FHIP1A: variants seen among roughly 807,000 people sequenced by gnomAD.
FHIP1A encodes the protein FHF complex subunit HOOK interacting protein 1A, also known as FHF complex subunit HOOK-interacting protein 1A.
In FHIP1A, 61 loss-of-function variants were observed where a neutral mutation model predicts 88.6. That is an observed-to-expected ratio of 0.69 (90% CI 0.56 to 0.85). FHIP1A has a LOEUF of 0.85. Among genes scored for constraint, FHIP1A ranks in the 40% least tolerant of loss-of-function variants. FHIP1A has a pLI of 0.00. For missense variants in FHIP1A, 1,154 were observed against 1,273.5 expected, an observed-to-expected ratio of 0.91 and a Z score of 1.43; for synonymous variants, 478 against 496.0, an observed-to-expected ratio of 0.96 and a Z score of 0.48.
intron 3 of FHIP1A, among the ~76,000 whole-genome samples, chr4:151,506,583 C>T (rs1348879492): frequency 2.0e-5 from 3 of 152,016 alleles, no homozygotes; most frequent in African/African-American, 4.8e-5. Context: ...GGTAAGAGAG[C>T]AGAAGCAAGA....
rs1341011216 is a variant in FHIP1A at position 151,665,230 on chromosome 4, G to T, written c.*2476G>T. On this transcript the variant is annotated 3_prime_UTR_variant, in exon 14 of 14. Coordinates refer to ENST00000435205, the MANE Select transcript of FHIP1A (RefSeq NM_001109977.3). ...GGGCTCAAGTGATCGTCCCGCCTTG[G>T]CCTCCCGAAGTGCTGGGATTACAGG... 6.6e-6 allele frequency among the ~76,000 whole-genome samples: 1 copy of T among 152,178 alleles called. No individual in the cohort carries two copies. Among genetic ancestry groups the T allele is most frequent in the African/African-American group, 2.4e-5 (1 of 41,440 alleles).
chr4:151,526,408 C>T (rs1446066095), intron 3 of FHIP1A, among the ~76,000 whole-genome samples: 19 of 150,726 alleles, frequency 1.3e-4, no homozygotes, highest in East Asian at 4.0e-4. Flanking sequence ...ACCTCCCTCC[C>T]GGACCGGGGT....
At chr4:151,628,398 T>G (rs995189384) in intron 7 of FHIP1A, among the ~76,000 whole-genome samples, 15 of 152,154 alleles carry the variant, frequency 9.9e-5, no homozygotes, top group South Asian at 4.1e-4. Context: ...AATAGATAGC[T>G]CCAAGCCTTT....
intron 3 of FHIP1A, among the ~76,000 whole-genome samples, chr4:151,513,695 A>C (rs1360885124): frequency 1.3e-5 from 2 of 152,214 alleles, no homozygotes; most frequent in African/African-American, 4.8e-5. Flanking sequence ...AAAGGGCAAA[A>C]GAGAGAAAGA....
Position 151,618,054 on chromosome 4 carries a change from C to A in FHIP1A, c.979-11648C>A, listed in dbSNP as rs187592414. 8.5e-5 allele frequency among the ~76,000 whole-genome samples: 13 copies of A among 152,264 alleles called. No homozygotes were observed. In the East Asian group the frequency reaches 2.3e-3, roughly 27 times the overall value. On this transcript the variant is annotated intron_variant, in intron 7 of 13. Transcript: ENST00000435205. ...TGTTCATCAAATGAGCTTTATCTGCCAATTGCTGGAAGTTTTTTGAGGGAT... is the reference window on the plus strand; with the variant it reads ...TGTTCATCAAATGAGCTTTATCTGCAAATTGCTGGAAGTTTTTTGAGGGAT...
At chr4:151,451,721 A>AT (rs1554078698) in intron 1 of FHIP1A, among the ~76,000 whole-genome samples, 1 of 151,710 alleles carries the variant, frequency 6.6e-6, no homozygotes, top group African/African-American at 2.4e-5. Flanking sequence ...TTTCCAGTAA[A>AT]TTTTTTTCAA....
At chr4:151,634,736 G>A (rs919886286) in intron 8 of FHIP1A, among the ~76,000 whole-genome samples, 7 of 151,660 alleles carry the variant, frequency 4.6e-5, no homozygotes, top group East Asian at 3.9e-4. Flanking sequence ...ACTTTACACC[G>A]TATAAAAAAA....
At chr4:151,601,370 C>G (rs1734861743) in intron 7 of FHIP1A, among the ~76,000 whole-genome samples, 1 of 151,886 alleles carries the variant, frequency 6.6e-6, no homozygotes, top group East Asian at 1.9e-4. Flanking sequence ...GCTTATTTAC[C>G]AGTATCAGCA....
chr4:151,573,658 A>G (rs538974127), intron 4 of FHIP1A, among the ~76,000 whole-genome samples: 1 of 152,034 alleles, frequency 6.6e-6, no homozygotes, highest in Admixed American at 6.6e-5. Flanking sequence ...GGTTGAGAGT[A>G]TAAGACAGCT....
intron 2 of FHIP1A, among the ~76,000 whole-genome samples, chr4:151,459,561 T>A (rs1336204501): frequency 6.6e-6 from 1 of 152,196 alleles, no homozygotes; most frequent in Non-Finnish European, 1.5e-5. Flanking sequence ...TTGCAGCGTT[T>A]CCATCTGTAA....
rs1180127201 is a variant in FHIP1A, at chr4:151,663,938, C to T, written c.*1184C>T. Among the ~76,000 whole-genome samples the T allele has an allele frequency of 1.3e-5, 2 of 152,236 alleles. No individual in the cohort carries two copies. Among genetic ancestry groups the T allele is most frequent in the Non-Finnish European group, 2.9e-5 (2 of 68,048 alleles). On this transcript the variant is annotated 3_prime_UTR_variant, in exon 14 of 14. Transcript: ENST00000435205. ...CCCAACGTGCTGTATGAGCGTCCCT[C>T]TGCTGCTTTGCAGCCTGCTCCAAGA...
chr4:151,501,221 A>G (rs940260301), intron 3 of FHIP1A, among the ~76,000 whole-genome samples: 2 of 152,222 alleles, frequency 1.3e-5, no homozygotes, highest in East Asian at 1.9e-4. Context: ...TCATGCTGCT[A>G]TGAACATTCA....
At chr4:151,657,549 C>T (rs1056870651) in intron 13 of FHIP1A, among the ~76,000 whole-genome samples, 2 of 152,176 alleles carry the variant, frequency 1.3e-5, no homozygotes, top group Non-Finnish European at 2.9e-5. Context: ...CTGGGAGCAC[C>T]ACTGCTGCTT....
chr4:151,514,583 A>G (rs1326168063), intron 3 of FHIP1A, among the ~76,000 whole-genome samples: 1 of 152,160 alleles, frequency 6.6e-6, no homozygotes, highest in African/African-American at 2.4e-5. Flanking sequence ...GAAAAGAGAG[A>G]AGAATCAAAT....
chr4:151,508,751 C>T (rs1472851517), intron 3 of FHIP1A, among the ~76,000 whole-genome samples: 2 of 152,184 alleles, frequency 1.3e-5, no homozygotes, highest in Non-Finnish European at 2.9e-5. Flanking sequence ...ATGCTGGTTT[C>T]TTGGGATTGA....
intron 7 of FHIP1A, among the ~76,000 whole-genome samples, chr4:151,626,535 C>G (rs905777863): frequency 6.6e-6 from 1 of 152,106 alleles, no homozygotes; most frequent in Non-Finnish European, 1.5e-5. Flanking sequence ...TTTGTGGACA[C>G]TGAGTTTTCT....
At chr4:151,540,992 C>G (rs1016933309) in intron 3 of FHIP1A, among the ~76,000 whole-genome samples, 1 of 152,302 alleles carries the variant, frequency 6.6e-6, no homozygotes, top group Middle Eastern at 3.4e-3. Flanking sequence ...TATCCTCGTG[C>G]TTTTTGAGTA....
chr4:151,566,978 C>G (rs922051800), intron 4 of FHIP1A, among the ~76,000 whole-genome samples: 4 of 152,122 alleles, frequency 2.6e-5, no homozygotes, highest in Admixed American at 2.0e-4. Context: ...TCTCTGTGCT[C>G]TACCATTTTG....
intron 3 of FHIP1A, among the ~76,000 whole-genome samples, chr4:151,497,255 TTAAA>T (rs1199184339): frequency 1.3e-5 from 2 of 152,220 alleles, no homozygotes; most frequent in Non-Finnish European, 2.9e-5. Flanking sequence ...AATTATGCTT[TTAAA>T]TAAATCCATA....
Sources: gnomAD v4.1 joint callset for allele counts (sites outside exome capture counted in the v4.1 genomes callset) on GRCh38, gnomAD v4.1.1 for gene constraint, MANE v1.5 for transcripts, NCBI Gene and HGNC (gene_info 2026-07-23, HGNC 2026-07-21) for gene names.